SLC5A4: variants seen among roughly 807,000 people sequenced by gnomAD.
SLC5A4 encodes the protein solute carrier family 5 member 4.
SLC5A4 carries 55 observed loss-of-function variants against 70.3 expected under a neutral mutation model. The ratio of observed to expected loss-of-function variants is 0.78; its 90% CI spans 0.63 to 0.98. The LOEUF (loss-of-function observed/expected upper bound fraction) is 0.98. Ranked by LOEUF, SLC5A4 falls within the 50% of genes least tolerant of loss-of-function variation. The probability of loss-of-function intolerance (pLI) is 0.00; values close to 1 mark genes in which losing one functional copy is unlikely to be tolerated. For synonymous variants in SLC5A4, 268 were observed against 305.7 expected, an observed-to-expected ratio of 0.88 and a Z score of 1.29; for missense variants, 735 against 839.2, an observed-to-expected ratio of 0.88 and a Z score of 1.53.
the SLC5A4 span, among the ~76,000 whole-genome samples, chr22:32,324,941 G>A: frequency 1.3e-5 from 2 of 152,346 alleles, no homozygotes; most frequent in South Asian, 2.1e-4. Context: ...TGGCAAGCAC[G>A]CCTTGGTCAC....
the SLC5A4 span, among the ~76,000 whole-genome samples, chr22:32,310,731 G>A: frequency 6.6e-6 from 1 of 152,238 alleles, no homozygotes; most frequent in Non-Finnish European, 1.5e-5. Context: ...CACTTGACCC[G>A]GCTGAGTCTG....
At chr22:32,322,689 G>A in the SLC5A4 span, among the ~76,000 whole-genome samples, 1 of 152,154 alleles carries the variant, frequency 6.6e-6, no homozygotes, top group Non-Finnish European at 1.5e-5. Context: ...GCCCTCGGTT[G>A]CACAAATGGG....
chr22:32,303,092 T>A, the SLC5A4 span, among the ~76,000 whole-genome samples: 6 of 152,230 alleles, frequency 3.9e-5, no homozygotes, highest in Non-Finnish European at 8.8e-5. Context: ...AACCCAAAAG[T>A]CTCTGAGACA....
chr22:32,237,332 G>A lies in SLC5A4; in HGVS notation c.584-8C>T. On this transcript the variant is annotated splice_region_variant and splice_polypyrimidine_tract_variant and intron_variant, in intron 6 of 14. Coordinates refer to ENST00000266086, the MANE Select transcript of SLC5A4 (RefSeq NM_014227.3). The stretch of plus-strand genomic sequence containing the variant: ...TCACCGAGGCCAAGCCCCCTAGTGA[G>A]AGAAAGAAAAGAACCAGGGCATTTT... 2 of 1,579,926 alleles carry A rather than the reference G, an allele frequency of 1.3e-6. No individual in the cohort carries two copies. Among genetic ancestry groups the A allele is most frequent in the Non-Finnish European group, 1.7e-6 (2 of 1,162,882 alleles).
chr22:32,351,258 T>C, the SLC5A4 span, among the ~76,000 whole-genome samples: 1 of 152,334 alleles, frequency 6.6e-6, no homozygotes, highest in East Asian at 1.9e-4. Flanking sequence ...TTGCAACCAA[T>C]ATTTTATTTG....
At chr22:32,233,628 C>T (rs1266769048) in intron 8 of SLC5A4, among the ~76,000 whole-genome samples, 1 of 152,038 alleles carries the variant, frequency 6.6e-6, no homozygotes, top group Non-Finnish European at 1.5e-5. Context: ...GAGAATCTTT[C>T]ATTCAATGAG....
the SLC5A4 span, among the ~76,000 whole-genome samples, chr22:32,293,499 A>G: frequency 6.6e-6 from 1 of 152,184 alleles, no homozygotes; most frequent in Non-Finnish European, 1.5e-5. Flanking sequence ...CATCCGTAAC[A>G]TAATATTGTA....
the SLC5A4 span, among the ~76,000 whole-genome samples, chr22:32,276,206 G>C: frequency 6.6e-6 from 1 of 152,168 alleles, no homozygotes; most frequent in African/African-American, 2.4e-5. Context: ...GAATAAATCA[G>C]ATAAAGATAA....
chr22:32,316,046 GCAGTCC>G, the SLC5A4 span, among the ~76,000 whole-genome samples: 1 of 149,546 alleles, frequency 6.7e-6, no homozygotes, highest in Non-Finnish European at 1.5e-5. Context: ...GTGGGTGCAT[GCAGTCC>G]CAGCTACTCG....
At chr22:32,335,448 G>A in the SLC5A4 span, among the ~76,000 whole-genome samples, 1 of 152,216 alleles carries the variant, frequency 6.6e-6, no homozygotes, top group Non-Finnish European at 1.5e-5. Flanking sequence ...CACACACAGA[G>A]TGGACAGAGA....
the SLC5A4 span, among the ~76,000 whole-genome samples, chr22:32,324,181 T>C: frequency 1.3e-5 from 2 of 148,884 alleles, no homozygotes; most frequent in Non-Finnish European, 3.0e-5. Context: ...GTGGTGAAAA[T>C]GTGGTGTTTG....
chr22:32,314,476 T>A, the SLC5A4 span, among the ~76,000 whole-genome samples: 3 of 152,288 alleles, frequency 2.0e-5, no homozygotes, highest in Non-Finnish European at 4.4e-5. Flanking sequence ...CTTTCAAATA[T>A]AAAGTCAACA....
rs1925361486 is a variant in SLC5A4, at chr22:32,225,786, A to G, written c.1318T>C (p.Trp440Arg). ...VLLLTVVSIV[W>R]VPLVQVSQNG... The stretch of plus-strand genomic sequence containing the variant: ...TGAGAAACTTGTACCAGTGGGACCC[A>G]CACAATGCTCACAACAGTTAATAGA... The change falls in exon 12 of 15, where the codon TGG becomes CGG. Residue 440 changes from tryptophan to arginine, a missense_variant. Coordinates refer to ENST00000266086, the MANE Select transcript of SLC5A4 (RefSeq NM_014227.3). 6.2e-7 allele frequency: 1 copy of G among 1,612,174 alleles called. No homozygotes were observed. The highest frequency in any genetic ancestry group is 8.5e-7 in the Non-Finnish European group (1 of 1,178,606).
At chr22:32,283,020 C>T in the SLC5A4 span, among the ~76,000 whole-genome samples, 2 of 152,330 alleles carry the variant, frequency 1.3e-5, no homozygotes, top group African/African-American at 2.4e-5. Context: ...CAAACCTTGC[C>T]GAGCCTCCTC....
At chr22:32,335,676 G>C in the SLC5A4 span, among the ~76,000 whole-genome samples, 1 of 152,188 alleles carries the variant, frequency 6.6e-6, no homozygotes, top group African/African-American at 2.4e-5. Context: ...GGCGGCCCCA[G>C]AGCCCATTGT....
At chr22:32,245,682 A>G (rs909692323) in intron 5 of SLC5A4, among the ~76,000 whole-genome samples, 18 of 152,080 alleles carry the variant, frequency 1.2e-4, no homozygotes, top group Non-Finnish European at 2.5e-4. Context: ...CACAATGCCC[A>G]GCTAATTTTT....
At chr22:32,269,105 G>A in the SLC5A4 span, among the ~76,000 whole-genome samples, 1 of 152,092 alleles carries the variant, frequency 6.6e-6, no homozygotes, top group Non-Finnish European at 1.5e-5. The surrounding 1 kb of genome is among the most constrained non-coding windows in gnomAD (Gnocchi z 4.1). Flanking sequence ...GTTGGCCATG[G>A]CGGTCTCGAA....
At chr22:32,304,758 CT>C in the SLC5A4 span, among the ~76,000 whole-genome samples, 1 of 152,188 alleles carries the variant, frequency 6.6e-6, no homozygotes, top group Non-Finnish European at 1.5e-5. Context: ...TCAATTCTCT[CT>C]TTCATAGATC....
chr22:32,271,928 T>G, the SLC5A4 span: 2 of 575,484 alleles, frequency 3.5e-6, no homozygotes, highest in South Asian at 1.6e-5. Context: ...CAACACACTG[T>G]GCACCTGCAT....
Sources: gnomAD v4.1 joint callset for allele counts (sites outside exome capture counted in the v4.1 genomes callset) on GRCh38, gnomAD v4.1.1 for gene constraint, Gnocchi (gnomAD v3.1) non-coding constraint, MANE v1.5 for transcripts, NCBI Gene and HGNC (gene_info 2026-07-23, HGNC 2026-07-21) for gene names.